Variants in EXOC6B observed in about 807,000 individuals in gnomAD.
The protein encoded by EXOC6B is exocyst complex component 6B.
A neutral mutation model predicts 113.5 loss-of-function variants in EXOC6B; 54 were observed. The observed-to-expected ratio is 0.48, with a 90% CI of 0.38 to 0.60. The LOEUF is 0.60. EXOC6B is among the 20% of genes least tolerant of loss of function. The pLI, the probability that EXOC6B is intolerant of heterozygous loss-of-function variation, is 0.00. For missense variants in EXOC6B, 797 were observed against 977.5 expected, an observed-to-expected ratio of 0.82 and a Z score of 2.46; for synonymous variants, 357 against 339.0, an observed-to-expected ratio of 1.05 and a Z score of -0.58.
At chr2:72,738,210 A>T (rs1053737529) in intron 2 of EXOC6B, among the ~76,000 whole-genome samples, 1 of 152,136 alleles carries the variant, frequency 6.6e-6, no homozygotes, top group Non-Finnish European at 1.5e-5. Flanking sequence ...TTACACTCTC[A>T]TGTTCTCATG....
chr2:72,218,178 C>A (rs1680652648), intron 20 of EXOC6B, among the ~76,000 whole-genome samples: 1 of 152,168 alleles, frequency 6.6e-6, no homozygotes, highest in South Asian at 2.1e-4. Flanking sequence ...GTCAACTATA[C>A]CTCATAAACG....
At chr2:72,745,060 C>T (rs1218725943) in intron 1 of EXOC6B, among the ~76,000 whole-genome samples, 1 of 152,118 alleles carries the variant, frequency 6.6e-6, no homozygotes, top group East Asian at 1.9e-4. Flanking sequence ...AAAGTACTAG[C>T]TTAGCTTTAA....
intron 11 of EXOC6B, among the ~76,000 whole-genome samples, chr2:72,501,777 T>C (rs1298908890): frequency 3.8e-4 from 40 of 105,796 alleles, no homozygotes; most frequent in East Asian, 1.2e-3. Flanking sequence ...TTTTTTTTTT[T>C]CCCACAGGGT....
chr2:72,279,632 G>C (rs1685009803), intron 20 of EXOC6B, among the ~76,000 whole-genome samples: 1 of 151,870 alleles, frequency 6.6e-6, no homozygotes, highest in East Asian at 1.9e-4. Flanking sequence ...TTATGTTTTT[G>C]AGACAAGGTC....
At chr2:72,224,836 GTA>G (rs900839794) in intron 20 of EXOC6B, among the ~76,000 whole-genome samples, 1 of 149,320 alleles carries the variant, frequency 6.7e-6, no homozygotes, top group African/African-American at 2.5e-5. Flanking sequence ...GTGTATGTGT[GTA>G]TGTGTGTGTA....
intron 18 of EXOC6B, among the ~76,000 whole-genome samples, chr2:72,422,831 G>A (rs1694979528): frequency 6.6e-6 from 1 of 152,176 alleles, no homozygotes; most frequent in Non-Finnish European, 1.5e-5. Flanking sequence ...ATCTGATGAG[G>A]ACATGGAGAA....
rs552653535 is a variant in EXOC6B, at chr2:72,233,578, C to T, written c.2197-49391G>A. Among the ~76,000 whole-genome samples, 46 of 152,252 alleles carry T rather than the reference C, an allele frequency of 3.0e-4. 1 individual carries two copies. In the South Asian group the frequency reaches 8.1e-3, roughly 27 times the overall value. On this transcript the variant is annotated intron_variant, in intron 20 of 21. Coordinates refer to ENST00000272427, the MANE Select transcript of EXOC6B (RefSeq NM_015189.3). ...TGTGCTTCTAGACTGAGGCAGAGAG[C>T]CAGCTGGATATTCTGTGGGGGCAAC... is the stretch of plus-strand genomic sequence containing the variant.
At position 72,814,125 on chromosome 2, in the gene EXOC6B, G is replaced by A. The variant is rs115730732; in HGVS notation, c.113+11673C>T. The stretch of plus-strand genomic sequence containing the variant: ...AGAATCTGTCATGTTCCAGGCCTGT[G>A]AAAACAAGGTCAAATTGAAAGTCTG... On this transcript the variant is annotated intron_variant, in intron 1 of 21. Transcript: ENST00000272427. 6.0e-3 allele frequency among the ~76,000 whole-genome samples: 917 copies of A among 152,262 alleles called. 12 individuals carry two copies. Among genetic ancestry groups the A allele is most frequent in the African/African-American group, 0.021 (854 of 41,564 alleles).
At chr2:72,250,327 A>T (rs1478069932) in intron 20 of EXOC6B, among the ~76,000 whole-genome samples, 4 of 152,224 alleles carry the variant, frequency 2.6e-5, no homozygotes, top group South Asian at 4.1e-4. Flanking sequence ...AGACAGGAAC[A>T]TATTTTTTAA....
intron 19 of EXOC6B, among the ~76,000 whole-genome samples, chr2:72,335,562 ACAC>A (rs1688648962): frequency 7.8e-6 from 1 of 128,772 alleles, no homozygotes; most frequent in Non-Finnish European, 1.9e-5. Flanking sequence ...ACACACACAC[ACAC>A]ACACACACAC....
At chr2:72,598,827 A>G (rs937528217) in intron 6 of EXOC6B, among the ~76,000 whole-genome samples, 1 of 152,100 alleles carries the variant, frequency 6.6e-6, no homozygotes, top group Non-Finnish European at 1.5e-5. Flanking sequence ...TTGAAAGACA[A>G]TCTACCAAAA....
rs1372035924 is a variant in EXOC6B at position 72,642,562 on chromosome 2, T to C, written c.670-66894A>G. 8.1e-5 allele frequency among the ~76,000 whole-genome samples: 12 copies of C among 148,738 alleles called. 1 individual carries two copies. In the South Asian group the frequency reaches 2.1e-3, roughly 27 times the overall value. On this transcript the variant is annotated intron_variant, in intron 6 of 21. Coordinates refer to ENST00000272427, the MANE Select transcript of EXOC6B (RefSeq NM_015189.3). ...GTGCTGGGAAAACTGGCTAGCCATATGTAGAAAGCTGAAACCGGATCCCTT... is the reference window on the plus strand; with the variant it reads ...GTGCTGGGAAAACTGGCTAGCCATACGTAGAAAGCTGAAACCGGATCCCTT...
chr2:72,823,150 TAA>T (rs778304758), intron 1 of EXOC6B, among the ~76,000 whole-genome samples: 3 of 73,842 alleles, frequency 4.1e-5, no homozygotes, highest in Admixed American at 1.5e-4. Flanking sequence ...TGTAATCTGC[TAA>T]AAAAAAAAAA....
intron 6 of EXOC6B, among the ~76,000 whole-genome samples, chr2:72,668,246 T>C (rs1188903425): frequency 6.6e-6 from 1 of 152,136 alleles, no homozygotes; most frequent in Non-Finnish European, 1.5e-5. Context: ...ATGGCTCTTG[T>C]TAAGAAGTCA....
chr2:72,640,365 T>C (rs1023249268), intron 6 of EXOC6B, among the ~76,000 whole-genome samples: 1 of 152,168 alleles, frequency 6.6e-6, no homozygotes, highest in Non-Finnish European at 1.5e-5. Flanking sequence ...TACGGGATTA[T>C]GTAAAGAGAC....
rs942507248 is a variant in EXOC6B at position 72,757,406 on chromosome 2, T to A, written c.114-15937A>T. On this transcript the variant is annotated intron_variant, in intron 1 of 21. Transcript: ENST00000272427. ...TACTTGTACACAGAGCAAACAGAGA[T>A]TATCACAGGAATTTCCTCTGGCCTA... Among the ~76,000 whole-genome samples, 4 of 152,244 alleles carry A rather than the reference T, an allele frequency of 2.6e-5. No homozygotes were observed. The South Asian group carries it at 8.3e-4, about 32-fold the overall frequency.
chr2:72,445,783 G>C (rs1405363348), intron 18 of EXOC6B, among the ~76,000 whole-genome samples: 1 of 152,098 alleles, frequency 6.6e-6, no homozygotes, highest in Non-Finnish European at 1.5e-5. Context: ...ATGAGATTTG[G>C]GTGGGGACAC....
intron 11 of EXOC6B, among the ~76,000 whole-genome samples, chr2:72,501,024 A>C (rs765196975): frequency 6.6e-6 from 1 of 152,010 alleles, no homozygotes; most frequent in African/African-American, 2.4e-5. Context: ...CTTCATTTCT[A>C]TTTTCCTTGT....
chr2:72,498,581 G>T, intron 12 of EXOC6B, 30 bp from the exon 13 acceptor site: 4 of 1,410,348 alleles, frequency 2.8e-6, no homozygotes, highest in South Asian at 1.3e-5. Context: ...TCACTTCAGT[G>T]TCTAAGGAAG....
Sources: allele counts gnomAD v4.1 joint callset (sites outside exome capture counted in the v4.1 genomes callset), GRCh38; gene constraint gnomAD v4.1.1; transcripts MANE v1.5; gene names NCBI Gene and HGNC (gene_info 2026-07-23, HGNC 2026-07-21).